The following HECW1 variants were observed in gnomAD, a reference collection of about 807,000 sequenced individuals.
The protein encoded by HECW1 is E3 ubiquitin-protein ligase HECW1.
Under a neutral mutation model 182.3 loss-of-function variants are expected in HECW1, and 61 were observed. The observed-to-expected ratio is 0.33, with a 90% CI of 0.27 to 0.41. The LOEUF (loss-of-function observed/expected upper bound fraction) is 0.41. Ranked by LOEUF, HECW1 falls within the 10% of genes least tolerant of loss-of-function variation. The pLI is 1.00. For missense variants in HECW1, 1,739 were observed against 2,108.9 expected (o/e 0.82, Z 3.44); for synonymous variants, 859 against 832.6 (o/e 1.03, Z -0.55).
intron 13 of HECW1, among the ~76,000 whole-genome samples, chr7:43,458,095 T>C (rs986129165): frequency 1.3e-5 from 2 of 152,214 alleles, no homozygotes; most frequent in African/African-American, 4.8e-5. Flanking sequence ...GGGAGAGTCC[T>C]TTCATGGTGA....
intron 2 of HECW1, among the ~76,000 whole-genome samples, chr7:43,141,703 G>A: frequency 6.6e-6 from 1 of 152,066 alleles, no homozygotes; most frequent in Admixed American, 6.5e-5. Flanking sequence ...TCTCCATGTT[G>A]GTCAGGCTGG....
intron 5 of HECW1, among the ~76,000 whole-genome samples, chr7:43,345,213 G>A (rs1813523947): frequency 6.6e-6 from 1 of 152,124 alleles, no homozygotes; most frequent in Non-Finnish European, 1.5e-5. Context: ...TGAAAAACAT[G>A]TATGTAACAT....
chr7:43,303,416 A>AT (rs1401330589), intron 3 of HECW1, among the ~76,000 whole-genome samples: 28 of 146,908 alleles, frequency 1.9e-4, no homozygotes, highest in East Asian at 4.1e-4. Flanking sequence ...TTATTGGTGG[A>AT]TTTTTTTTTA....
chr7:43,509,855 G>A (rs2079776557), intron 24 of HECW1: 1 of 152,304 alleles, frequency 6.6e-6, no homozygotes, highest in Non-Finnish European at 1.5e-5. Context: ...GCTAATGTGA[G>A]TTCTTCTGAC....
At chr7:43,138,640 A>G (rs1046507071) in intron 2 of HECW1, among the ~76,000 whole-genome samples, 6 of 152,218 alleles carry the variant, frequency 3.9e-5, no homozygotes, top group Admixed American at 1.3e-4. Context: ...TTGCTTTTAC[A>G]TAAGTTGGAC....
chr7:43,466,483 C>T lies in HECW1; in HGVS notation c.2828C>T (p.Ser943Leu), dbSNP rs537136321. The T allele has an allele frequency of 6.2e-7, 1 of 1,613,798 alleles. No homozygotes were observed. The highest frequency in any genetic ancestry group is 2.2e-5 in the East Asian group (1 of 44,876). Residue 943 changes from serine (S) to leucine (L), a missense_variant, in exon 15 of 30, where the codon TCA (serine) becomes TTA (leucine). This residue lies in a region of HECW1 where 971 missense variants were observed against 1,029.1 expected (regional missense o/e 0.94). Transcript: ENST00000395891. ...RREGSLSPVNSQKITLLLQSP... is the reference protein window; with the variant it reads ...RREGSLSPVNLQKITLLLQSP... ...GAAGGGTCACTTTCTCCAGTGAACT[C>T]ACAAAAAATCACCTTGCTGCTGCAG... is the stretch of plus-strand genomic sequence containing the variant.
intron 2 of HECW1, among the ~76,000 whole-genome samples, chr7:43,114,669 A>G (rs1158933070): frequency 6.6e-6 from 1 of 152,146 alleles, no homozygotes; most frequent in East Asian, 1.9e-4. Flanking sequence ...CCACGTTCTG[A>G]CTAATTCCAC....
At chr7:43,278,377 T>A (rs1252164588) in intron 3 of HECW1, among the ~76,000 whole-genome samples, 3 of 152,078 alleles carry the variant, frequency 2.0e-5, no homozygotes, top group Non-Finnish European at 2.9e-5. Flanking sequence ...TCTGATCGTC[T>A]CTCGGCACAT....
chr7:43,309,310 G>T (rs923739691), intron 3 of HECW1, among the ~76,000 whole-genome samples: 20 of 152,108 alleles, frequency 1.3e-4, no homozygotes, highest in Admixed American at 6.6e-5. Context: ...GGAGAGGGTG[G>T]GGTGCAAGGG....
chr7:43,483,482 A>T (rs1320777995), intron 17 of HECW1, among the ~76,000 whole-genome samples: 1 of 151,374 alleles, frequency 6.6e-6, no homozygotes, highest in Non-Finnish European at 1.5e-5. Context: ...AAATACCAAG[A>T]GCTCACTTCA....
chr7:43,349,110 C>T (rs973035018), intron 5 of HECW1, among the ~76,000 whole-genome samples: 3 of 152,192 alleles, frequency 2.0e-5, no homozygotes. Flanking sequence ...TCTCGGCTCA[C>T]TGCAACCTTT....
At chr7:43,244,433 C>A (rs1017539610) in intron 3 of HECW1, among the ~76,000 whole-genome samples, 2 of 152,182 alleles carry the variant, frequency 1.3e-5, no homozygotes, top group Non-Finnish European at 2.9e-5. Flanking sequence ...TCCACCAGCT[C>A]CCCAAGACTT....
At chr7:43,254,494 G>A (rs759936100) in intron 3 of HECW1, among the ~76,000 whole-genome samples, 3 of 152,172 alleles carry the variant, frequency 2.0e-5, no homozygotes, top group Non-Finnish European at 2.9e-5. Flanking sequence ...TACTAGACAA[G>A]CACTTTTACT....
At chr7:43,249,943 C>T (rs1799846464) in intron 3 of HECW1, among the ~76,000 whole-genome samples, 1 of 152,064 alleles carries the variant, frequency 6.6e-6, no homozygotes, top group Non-Finnish European at 1.5e-5. Context: ...CAGGATAGCA[C>T]GGTATGTCAG....
chr7:43,395,882 T>C (rs2152837419), intron 6 of HECW1, among the ~76,000 whole-genome samples: 1 of 152,272 alleles, frequency 6.6e-6, no homozygotes, highest in East Asian at 1.9e-4. Flanking sequence ...TCAAGAATAC[T>C]AAGAGAAGAA....
intron 2 of HECW1, among the ~76,000 whole-genome samples, chr7:43,174,603 A>G (rs1294419679): frequency 1.3e-5 from 2 of 152,150 alleles, no homozygotes; most frequent in African/African-American, 4.8e-5. Context: ...CCTGGCCACC[A>G]CGTCAAAGCT....
intron 9 of HECW1, 44 bp from the exon 10 acceptor site, chr7:43,442,483 AAG>A: frequency 1.5e-6 from 2 of 1,349,978 alleles, no homozygotes; most frequent in Non-Finnish European, 2.1e-6. Flanking sequence ...GGTCATTAGG[AAG>A]AGAGGTATTG....
intron 24 of HECW1, among the ~76,000 whole-genome samples, chr7:43,525,935 ACTTTCT>A (rs769795195): frequency 2.0e-5 from 3 of 152,232 alleles, no homozygotes; most frequent in Non-Finnish European, 4.4e-5. Context: ...ACTTCTAGGG[ACTTTCT>A]CTTTATAGTC....
intron 2 of HECW1, among the ~76,000 whole-genome samples, chr7:43,227,422 A>G (rs1253241672): frequency 1.3e-5 from 2 of 152,208 alleles, no homozygotes; most frequent in South Asian, 2.1e-4. Context: ...CTGGGTTTCA[A>G]TGATAATGAA....
Sources: gnomAD v4.1 joint callset for allele counts (sites outside exome capture counted in the v4.1 genomes callset) on GRCh38, gnomAD v4.1.1 for gene constraint, gnomAD v4.1.1 regional missense constraint, MANE v1.5 for transcripts, NCBI Gene and HGNC (gene_info 2026-07-23, HGNC 2026-07-21) for gene names.